AMPH: variants seen among roughly 807,000 people sequenced by gnomAD.
AMPH encodes amphiphysin.
AMPH carries 49 observed loss-of-function variants against 99.1 expected under a neutral mutation model. That is an observed-to-expected ratio of 0.49 (90% CI 0.39 to 0.63). The LOEUF (loss-of-function observed/expected upper bound fraction) is 0.63, where lower values mean the gene tolerates loss of function less well. AMPH is among the 20% of genes least tolerant of loss of function. The pLI is 0.00. For synonymous variants in AMPH, 314 were observed against 317.3 expected (o/e 0.99, Z 0.11); for missense variants, 759 against 863.4 (o/e 0.88, Z 1.52).
At chr7:38,417,745 G>GA (rs1476475414) in intron 17 of AMPH, 80 bp downstream of exon 17, 1 of 1,549,064 alleles carries the variant, frequency 6.5e-7, no homozygotes, top group Non-Finnish European at 8.7e-7. Flanking sequence ...AGGCAAAGAT[G>GA]AGAGCGATGC....
intron 2 of AMPH, among the ~76,000 whole-genome samples, chr7:38,525,370 T>C (rs770421914): frequency 1.3e-5 from 2 of 149,422 alleles, no homozygotes; most frequent in Non-Finnish European, 3.0e-5. Context: ...ACAAAATTAT[T>C]GTACAATGTC....
Position 38,629,955 on chromosome 7 carries a change from T to C in AMPH, c.69+1328A>G, listed in dbSNP as rs540328393. ...TCTTACTGCATGGAGAGTGTGCATG[T>C]GTGGAGGGAGGGACTAGAGGCAGCC... On this transcript the variant is annotated intron_variant, in intron 1 of 20. Transcript: ENST00000356264. 3.3e-5 allele frequency among the ~76,000 whole-genome samples: 5 copies of C among 152,184 alleles called. No individual in the cohort carries two copies. The East Asian group carries it at 5.8e-4, about 18-fold the overall frequency.
At chr7:38,571,298 TGAATATATATATTTATATATA>T (rs1477903353) in intron 1 of AMPH, among the ~76,000 whole-genome samples, 13 of 78,014 alleles carry the variant, frequency 1.7e-4, no homozygotes, top group East Asian at 1.1e-3. Context: ...TATTTATATA[TGAATATATATATTTATATATA>T]GAATATATAT....
intron 18 of AMPH, among the ~76,000 whole-genome samples, chr7:38,392,270 G>A (rs114359080): frequency 0.011 from 1,667 of 151,910 alleles, 34 homozygotes; most frequent in African/African-American, 0.038. Context: ...ATGAGGTTTC[G>A]GTGGGAATTG....
chr7:38,526,181 C>T (rs544521133), intron 2 of AMPH, among the ~76,000 whole-genome samples: 57 of 152,094 alleles, frequency 3.7e-4, no homozygotes, highest in African/African-American at 1.2e-3. Flanking sequence ...TGCATTTCTC[C>T]GATGGCTAAA....
intron 1 of AMPH, among the ~76,000 whole-genome samples, chr7:38,620,550 C>T (rs1584314960): frequency 9.9e-5 from 2 of 20,140 alleles, no homozygotes; most frequent in African/African-American, 3.4e-4. Context: ...TACATACATA[C>T]ACACACACAC....
At chr7:38,622,871 T>C (rs957034523) in intron 1 of AMPH, among the ~76,000 whole-genome samples, 5 of 152,200 alleles carry the variant, frequency 3.3e-5, no homozygotes, top group Non-Finnish European at 5.9e-5. Context: ...AAGCTGAGTC[T>C]AACCCAGGAG....
chr7:38,428,716 C>T (rs1462235562), intron 14 of AMPH: 6 of 456,638 alleles, frequency 1.3e-5, no homozygotes, highest in African/African-American at 6.0e-5. Flanking sequence ...GGTTTGGCTC[C>T]AAAGCCTTCT....
intron 4 of AMPH, among the ~76,000 whole-genome samples, chr7:38,491,814 C>A (rs1788727884): frequency 6.6e-6 from 1 of 152,172 alleles, no homozygotes; most frequent in Non-Finnish European, 1.5e-5. Flanking sequence ...ATGACAGACA[C>A]AGGCTTCAAC....
intron 1 of AMPH, among the ~76,000 whole-genome samples, chr7:38,628,573 T>C (rs1011149239): frequency 2.0e-5 from 3 of 152,176 alleles, no homozygotes; most frequent in Non-Finnish European, 4.4e-5. Context: ...TGATGGAAAA[T>C]ATGTACATGT....
At chr7:38,580,585 A>G (rs1362023962) in intron 1 of AMPH, among the ~76,000 whole-genome samples, 1 of 152,092 alleles carries the variant, frequency 6.6e-6, no homozygotes, top group Non-Finnish European at 1.5e-5. Flanking sequence ...TAGCTGGCCC[A>G]CTTTCCTCAG....
intron 2 of AMPH, among the ~76,000 whole-genome samples, chr7:38,510,451 T>C (rs1354337025): frequency 1.3e-5 from 2 of 152,138 alleles, no homozygotes; most frequent in East Asian, 3.8e-4. Flanking sequence ...ACAATGAAAG[T>C]TTTTGATCTG....
intron 5 of AMPH, among the ~76,000 whole-genome samples, chr7:38,486,470 A>T (rs1412477276): frequency 6.6e-6 from 1 of 152,036 alleles, no homozygotes; most frequent in African/African-American, 2.4e-5. Flanking sequence ...AACAAAACCA[A>T]GACCAGATAG....
At chr7:38,517,825 C>A (rs563753017) in intron 2 of AMPH, among the ~76,000 whole-genome samples, 1 of 152,290 alleles carries the variant, frequency 6.6e-6, no homozygotes, top group Non-Finnish European at 1.5e-5. Flanking sequence ...GGTATAGCCA[C>A]GTGATCCTTT....
At chr7:38,603,562 G>T (rs556371844) in intron 1 of AMPH, among the ~76,000 whole-genome samples, 1 of 152,118 alleles carries the variant, frequency 6.6e-6, no homozygotes, top group South Asian at 2.1e-4. Flanking sequence ...CTACAGCTAC[G>T]AACGTACATG....
At chr7:38,400,609 A>G (rs1434879340) in intron 17 of AMPH, among the ~76,000 whole-genome samples, 1 of 152,254 alleles carries the variant, frequency 6.6e-6, no homozygotes, top group Non-Finnish European at 1.5e-5. Flanking sequence ...AGATGGTGCT[A>G]TGAAAGCAGG....
chr7:38,592,568 TA>T (rs1792894875), intron 1 of AMPH, among the ~76,000 whole-genome samples: 1 of 151,936 alleles, frequency 6.6e-6, no homozygotes. Flanking sequence ...CTGTCTCTAC[TA>T]AAAATATAAA....
rs1344004437 is a variant in AMPH at position 38,631,363 on chromosome 7, C to CG, written c.-13dup. 6.5e-7 allele frequency: 1 copy of CG among 1,541,912 alleles called. No individual in the cohort carries two copies. The highest frequency in any genetic ancestry group is 8.7e-7 in the Non-Finnish European group (1 of 1,145,452). ...TTGATGTCGGCCATGGCTGCGGGTC[C>CG]GGGGAGCTGCGAAGAGCAGAGCGCG... On this transcript the variant is annotated 5_prime_UTR_variant, in exon 1 of 21. Transcript: ENST00000356264.
chr7:38,461,371 G>T lies in AMPH; in HGVS notation c.929C>A (p.Thr310Asn), dbSNP rs1336249940. The T allele has an allele frequency of 1.2e-6, 2 of 1,614,172 alleles. No individual in the cohort carries two copies. Among genetic ancestry groups the T allele is most frequent in the Non-Finnish European group, 1.7e-6 (2 of 1,180,000 alleles). The change falls in exon 11 of 21, where the codon ACC (threonine) becomes AAC (asparagine). Residue 310 changes from threonine to asparagine, a missense_variant. Around this residue, in one of 2 missense-constraint regions of AMPH, gnomAD observed 554 missense variants for 575.6 expected, o/e 0.96. Transcript: ENST00000356264. ...GPPVPPLPKV[T>N]PTKELQQENI... Reference sequence around the variant, plus strand: ...CTCCTGCTGCAGTTCCTTTGTCGGGGTGACTTTAGGTAGAGGTGGGACAGG... The same window carrying T: ...CTCCTGCTGCAGTTCCTTTGTCGGGTTGACTTTAGGTAGAGGTGGGACAGG...
Sources: gnomAD v4.1 joint callset for allele counts (sites outside exome capture counted in the v4.1 genomes callset) on GRCh38, gnomAD v4.1.1 for gene constraint, gnomAD v4.1.1 regional missense constraint, MANE v1.5 for transcripts, NCBI Gene and HGNC (gene_info 2026-07-23, HGNC 2026-07-21) for gene names.